PAPSS1: variants seen among roughly 807,000 people sequenced by gnomAD.
PAPSS1 encodes the protein bifunctional 3'-phosphoadenosine 5'-phosphosulfate synthase 1.
A neutral mutation model predicts 72.0 loss-of-function variants in PAPSS1; 50 were observed. The observed-to-expected ratio is 0.69, with a 90% CI of 0.55 to 0.88. The LOEUF (loss-of-function observed/expected upper bound fraction) is 0.88, where lower values mean the gene tolerates loss of function less well. Among genes scored for constraint, PAPSS1 ranks in the 40% least tolerant of loss-of-function variants. PAPSS1 has a pLI of 0.00. For synonymous variants in PAPSS1, 261 were observed against 263.6 expected, an observed-to-expected ratio of 0.99 and a Z score of 0.09; for missense variants, 657 against 782.2, an observed-to-expected ratio of 0.84 and a Z score of 1.91.
At chr4:107,634,797 ATTTT>A (rs3083966) in intron 10 of PAPSS1, among the ~76,000 whole-genome samples, 19 of 115,994 alleles carry the variant, frequency 1.6e-4, no homozygotes, top group African/African-American at 5.0e-4. Context: ...TATTCTAGAC[ATTTT>A]TTTTTTTTTT....
chr4:107,685,935 A>G (rs1381886667), intron 4 of PAPSS1, among the ~76,000 whole-genome samples: 1 of 152,318 alleles, frequency 6.6e-6, no homozygotes, highest in East Asian at 1.9e-4. Flanking sequence ...AGTTACCTGC[A>G]TGACTCACTG....
Position 107,644,918 on chromosome 4 carries a change from G to A in PAPSS1, c.1390C>T (p.Pro464Ser), listed in dbSNP as rs544807411. 30 of 1,613,924 alleles carry A rather than the reference G, an allele frequency of 1.9e-5. No individual in the cohort carries two copies. In the South Asian group the frequency reaches 3.3e-4, roughly 18 times the overall value. ...LGGWTKDDDV[P>S]LMWRMKQHAA... The stretch of plus-strand genomic sequence containing the variant: ...TGCTGCTTCATACGCCACATCAAAG[G>A]AACATCGTCATCCTTTGTCCAGCCA... Residue 464 changes from proline to serine, a missense_variant, in exon 10 of 12, where the codon CCT becomes TCT. Physicochemically the swap from Pro to Ser is moderately conservative, Grantham distance 74 (BLOSUM62 -1). Around this residue, in one of 7 missense-constraint regions of PAPSS1, gnomAD observed 166 missense variants for 228.3 expected, o/e 0.73. Transcript: ENST00000265174.
intron 5 of PAPSS1, among the ~76,000 whole-genome samples, chr4:107,678,381 A>G (rs1727717240): frequency 6.6e-6 from 1 of 152,174 alleles, no homozygotes; most frequent in South Asian, 2.1e-4. Flanking sequence ...CAGAGATTCC[A>G]AAAGAGAGCA....
intron 10 of PAPSS1, among the ~76,000 whole-genome samples, chr4:107,635,583 T>A (rs1726353487): frequency 6.6e-6 from 1 of 152,040 alleles, no homozygotes; most frequent in Non-Finnish European, 1.5e-5. Context: ...ACTTCCAATC[T>A]CCTACAAACT....
chr4:107,654,739 C>T lies in PAPSS1; in HGVS notation c.1057G>A (p.Ala353Thr). 3 of 1,613,682 alleles carry T rather than the reference C, an allele frequency of 1.9e-6. No individual in the cohort carries two copies. The highest frequency in any genetic ancestry group is 2.5e-6 in the Non-Finnish European group (3 of 1,179,858). ...TTGCATGTCGTTCCCCACTGTCTGG[C>T]ACAGCGCTCCTCTTTCCTGTGCTCA... is the stretch of plus-strand genomic sequence containing the variant. ...FFEHRKEERC[A>T]RQWGTTCKNH... The change falls in exon 8 of 12, where the codon GCC becomes ACC. Residue 353 changes from alanine (A) to threonine (T), a missense_variant. This residue lies in a region of PAPSS1 where 190 missense variants were observed against 176.7 expected (regional missense o/e 1.07). Transcript: ENST00000265174.
chr4:107,614,041 G>T lies in PAPSS1; in HGVS notation c.*208C>A. 2 of 388,944 alleles carry T rather than the reference G, an allele frequency of 5.1e-6. No individual in the cohort carries two copies. The highest frequency in any genetic ancestry group is 2.1e-5 in the African/African-American group (1 of 48,312). The allele number at this position is 388,944 out of a possible 1,614,324, so 24.1% of individuals were successfully genotyped here. On this transcript the variant is annotated 3_prime_UTR_variant, in exon 12 of 12. Transcript: ENST00000265174. ...TATTGTAGGAATATAACTATAATAA[G>T]TGGAAAAGATACATTAAAACCATCA...
chr4:107,719,721 G>T, intron 1 of PAPSS1: 1 of 829,912 alleles, frequency 1.2e-6, no homozygotes, highest in Non-Finnish European at 1.5e-6. Flanking sequence ...CGCCTTCTCT[G>T]CACATCTTCA....
intron 11 of PAPSS1, 61 bp downstream of exon 11, chr4:107,631,570 C>A: frequency 2.5e-6 from 3 of 1,180,698 alleles, no homozygotes; most frequent in Admixed American, 3.9e-5. Flanking sequence ...TAAGCTAAAT[C>A]CCTGGGAGCA....
chr4:107,712,587 A>T (rs945189207), intron 1 of PAPSS1, among the ~76,000 whole-genome samples: 2 of 152,226 alleles, frequency 1.3e-5, no homozygotes, highest in Non-Finnish European at 1.5e-5. Flanking sequence ...TGAATAAAGA[A>T]GATGTGGCCG....
intron 11 of PAPSS1, among the ~76,000 whole-genome samples, chr4:107,628,239 G>C (rs1395699504): frequency 6.6e-6 from 1 of 152,150 alleles, no homozygotes; most frequent in East Asian, 1.9e-4. Context: ...AATTATTTCT[G>C]TCATTAATGA....
intron 11 of PAPSS1, among the ~76,000 whole-genome samples, chr4:107,618,783 A>T (rs1479205156): frequency 2.0e-5 from 3 of 152,172 alleles, no homozygotes; most frequent in Non-Finnish European, 2.9e-5. Flanking sequence ...GAGAGGTTAC[A>T]TCTCAGGACA....
At chr4:107,645,649 A>C (rs963057536) in intron 9 of PAPSS1, among the ~76,000 whole-genome samples, 5 of 152,258 alleles carry the variant, frequency 3.3e-5, no homozygotes, top group Non-Finnish European at 5.9e-5. Context: ...AATATCCCTT[A>C]AAACAATGAA....
chr4:107,701,134 C>T (rs1723193534), intron 2 of PAPSS1, 37 bp downstream of exon 2: 1 of 1,428,876 alleles, frequency 7.0e-7, no homozygotes. Flanking sequence ...ATATGCACTG[C>T]TTTTAAAATA....
Position 107,668,339 on chromosome 4 carries a change from A to G in PAPSS1, c.670-8267T>C, listed in dbSNP as rs767764722. Among the ~76,000 whole-genome samples, 45 of 152,246 alleles carry G rather than the reference A, an allele frequency of 3.0e-4. 1 individual carries two copies. Among genetic ancestry groups the G allele is most frequent in the Admixed American group, 2.0e-4 (3 of 15,290 alleles). ...TGCAGTACCTAACACAGGGCCTAGC[A>G]CACAGTAAGAGTTCAACTGGTAAGT... On this transcript the variant is annotated intron_variant, in intron 5 of 11. Coordinates refer to ENST00000265174, the MANE Select transcript of PAPSS1 (RefSeq NM_005443.5).
In PAPSS1 at chr4:107,659,209, C is replaced by T. The variant is rs558563544; in HGVS notation, c.783+750G>A. On this transcript the variant is annotated intron_variant, in intron 6 of 11. Coordinates refer to ENST00000265174, the MANE Select transcript of PAPSS1 (RefSeq NM_005443.5). ...ACCCAATCACACACAGAAAGTGTAC[C>T]AATATAATTTACTCCCATCAGGGAT... Among the ~76,000 whole-genome samples, 3 of 152,252 alleles carry T rather than the reference C, an allele frequency of 2.0e-5. No homozygotes were observed. The South Asian group carries it at 6.2e-4, about 32-fold the overall frequency.
chr4:107,619,531 T>C (rs189156414), intron 11 of PAPSS1, among the ~76,000 whole-genome samples: 29 of 152,324 alleles, frequency 1.9e-4, no homozygotes, highest in African/African-American at 6.5e-4. Context: ...TTTTCACAAG[T>C]ACATCTTCAA....
chr4:107,719,334 G>C (rs976273135), intron 1 of PAPSS1, among the ~76,000 whole-genome samples: 4 of 152,234 alleles, frequency 2.6e-5, no homozygotes, highest in South Asian at 2.1e-4. Context: ...GCCCTTCCCT[G>C]CTGCACACTT....
At position 107,662,479 on chromosome 4, in the gene PAPSS1, G is replaced by T. The variant is rs143537707; in HGVS notation, c.670-2407C>A. 3.3e-5 allele frequency among the ~76,000 whole-genome samples: 5 copies of T among 152,114 alleles called. No homozygotes were observed. The East Asian group carries it at 9.7e-4, about 29-fold the overall frequency. ...TCTCTGTAGATGCACTAATGGGGCA[G>T]ATTATTTCTAATGAACCCACACTAA... On this transcript the variant is annotated intron_variant, in intron 5 of 11. Coordinates refer to ENST00000265174, the MANE Select transcript of PAPSS1 (RefSeq NM_005443.5).
chr4:107,631,331 T>C (rs1324882670), intron 11 of PAPSS1, among the ~76,000 whole-genome samples: 1 of 152,178 alleles, frequency 6.6e-6, no homozygotes, highest in Admixed American at 6.5e-5. Context: ...AGAGTAAACA[T>C]CACTAAGTCC....
Sources: gnomAD v4.1 joint callset for allele counts (sites outside exome capture counted in the v4.1 genomes callset) on GRCh38, gnomAD v4.1.1 for gene constraint, gnomAD v4.1.1 regional missense constraint, MANE v1.5 for transcripts, NCBI Gene and HGNC (gene_info 2026-07-23, HGNC 2026-07-21) for gene names.